MRTFA: variants seen among roughly 807,000 people sequenced by gnomAD.
The protein encoded by MRTFA is myocardin related transcription factor A, also known as myocardin-related transcription factor A.
A neutral mutation model predicts 83.5 loss-of-function variants in MRTFA; 20 were observed. The observed-to-expected ratio is 0.24, with a 90% CI of 0.17 to 0.35. The LOEUF is 0.35. MRTFA is among the 10% of genes least tolerant of loss of function. The pLI, the probability that MRTFA is intolerant of heterozygous loss-of-function variation, is 1.00. For missense variants in MRTFA, 1,200 were observed against 1,224.7 expected (o/e 0.98, Z 0.30); for synonymous variants, 659 against 541.2 (o/e 1.22, Z -3.02).
At chr22:40,508,847 CAAA>C (rs67844311) in intron 3 of MRTFA, among the ~76,000 whole-genome samples, 14 of 111,028 alleles carry the variant, frequency 1.3e-4, no homozygotes, top group Middle Eastern at 4.8e-3. Context: ...CTGCCTCTAC[CAAA>C]AAAAAAAAAA....
chr22:40,443,075 A>G (rs993408889), intron 4 of MRTFA, among the ~76,000 whole-genome samples: 5 of 152,172 alleles, frequency 3.3e-5, no homozygotes, highest in African/African-American at 4.8e-5. Context: ...AACATGGCAA[A>G]ACCCCGTCTC....
chr22:40,512,199 C>A (rs114680345), intron 3 of MRTFA, among the ~76,000 whole-genome samples: 1 of 152,148 alleles, frequency 6.6e-6, no homozygotes, highest in Non-Finnish European at 1.5e-5. Context: ...AGATTAAGAT[C>A]ATACAGTTCT....
At chr22:40,555,782 G>A (rs1443547045) in intron 2 of MRTFA, among the ~76,000 whole-genome samples, 1 of 151,402 alleles carries the variant, frequency 6.6e-6, no homozygotes, top group Non-Finnish European at 1.5e-5. Flanking sequence ...GACTACAGGC[G>A]CCCACCACCA....
chr22:40,599,230 G>A lies in MRTFA; in HGVS notation c.-83-4495C>T, dbSNP rs139227443. On this transcript the variant is annotated intron_variant, in intron 1 of 14. Transcript: ENST00000355630. ...GGAGAATCGCTTGAACCCAGGAGGCGGAGGTTGCAGTGAGCCGAGATCGGG... is the reference window on the plus strand; with the variant it reads ...GGAGAATCGCTTGAACCCAGGAGGCAGAGGTTGCAGTGAGCCGAGATCGGG... 3.2e-3 allele frequency among the ~76,000 whole-genome samples: 483 copies of A among 151,780 alleles called. 2 individuals carry two copies. The highest frequency in any genetic ancestry group is 4.9e-3 in the Non-Finnish European group (336 of 67,922).
intron 4 of MRTFA, among the ~76,000 whole-genome samples, chr22:40,454,721 A>C (rs2053552771): frequency 6.6e-6 from 1 of 152,178 alleles, no homozygotes; most frequent in Admixed American, 6.5e-5. Context: ...GAGTTGCCCA[A>C]AGTCTTCTAA....
At chr22:40,482,320 A>T (rs898064673) in intron 3 of MRTFA, among the ~76,000 whole-genome samples, 2 of 152,122 alleles carry the variant, frequency 1.3e-5, no homozygotes, top group Non-Finnish European at 1.5e-5. Context: ...TAATAACTAT[A>T]AATAAATATT....
At chr22:40,480,379 C>T (rs555305652) in intron 3 of MRTFA, among the ~76,000 whole-genome samples, 14 of 151,966 alleles carry the variant, frequency 9.2e-5, no homozygotes, top group Non-Finnish European at 1.9e-4. Flanking sequence ...CTCCCAAATT[C>T]CTGGGATTAC....
intron 2 of MRTFA, chr22:40,586,797 C>T: frequency 5.5e-6 from 2 of 361,542 alleles, no homozygotes; most frequent in Non-Finnish European, 1.1e-5. Flanking sequence ...AGAGGTTTCT[C>T]CTGCTTAAAA....
chr22:40,565,038 G>A (rs1050556226), intron 2 of MRTFA, among the ~76,000 whole-genome samples: 7 of 152,174 alleles, frequency 4.6e-5, no homozygotes, highest in South Asian at 2.1e-4. Flanking sequence ...GTATAGGGAC[G>A]TGAACTCACC....
At chr22:40,462,606 G>C (rs1455751132) in intron 4 of MRTFA, among the ~76,000 whole-genome samples, 1 of 152,152 alleles carries the variant, frequency 6.6e-6, no homozygotes, top group Non-Finnish European at 1.5e-5. Flanking sequence ...TGGTATTAAA[G>C]GCAAATTTCC....
intron 14 of MRTFA, chr22:40,412,199 C>T (rs1358547464): frequency 4.1e-6 from 1 of 246,894 alleles, no homozygotes; most frequent in Non-Finnish European, 7.7e-6. Flanking sequence ...GACATTTTTC[C>T]AAAGATGATA....
chr22:40,461,878 T>A (rs1262896319), intron 4 of MRTFA, among the ~76,000 whole-genome samples: 2 of 152,144 alleles, frequency 1.3e-5, no homozygotes, highest in Non-Finnish European at 2.9e-5. Context: ...CCTGCCCACC[T>A]TACCCATCTT....
At chr22:40,603,798 G>A (rs1412349501) in intron 1 of MRTFA, among the ~76,000 whole-genome samples, 3 of 146,036 alleles carry the variant, frequency 2.1e-5, no homozygotes, top group Admixed American at 7.0e-5. Flanking sequence ...AATTTATAGA[G>A]ATGAGGTCTC....
chr22:40,421,201 T>TC (rs1021599959), intron 9 of MRTFA, 101 bp from the exon 10 acceptor site: 15 of 1,345,924 alleles, frequency 1.1e-5, no homozygotes, highest in Non-Finnish European at 1.4e-5. Context: ...TGAGAAGACA[T>TC]CCCCATCCAC....
intron 3 of MRTFA, among the ~76,000 whole-genome samples, chr22:40,471,162 A>C (rs1469094054): frequency 6.9e-6 from 1 of 144,662 alleles, no homozygotes; most frequent in Non-Finnish European, 1.5e-5. Flanking sequence ...AGGGTGGACC[A>C]CCTGAGGTCA....
At chr22:40,415,762 C>T (rs2052665417) in intron 14 of MRTFA, among the ~76,000 whole-genome samples, 1 of 152,064 alleles carries the variant, frequency 6.6e-6, no homozygotes, top group Non-Finnish European at 1.5e-5. Context: ...TCTCTACGGC[C>T]ACCCCCACCC....
At chr22:40,458,277 A>C (rs1413620511) in intron 4 of MRTFA, among the ~76,000 whole-genome samples, 1 of 152,218 alleles carries the variant, frequency 6.6e-6, no homozygotes, top group African/African-American at 2.4e-5. Flanking sequence ...TTTGAAACTT[A>C]TGTTTACATG....
Position 40,504,977 on chromosome 22 carries a change from C to A in MRTFA, c.242-41691G>T, listed in dbSNP as rs750225496. Among the ~76,000 whole-genome samples, 42 of 152,202 alleles carry A rather than the reference C, an allele frequency of 2.8e-4. 1 individual carries two copies. Among genetic ancestry groups the A allele is most frequent in the Non-Finnish European group, 5.6e-4 (38 of 68,028 alleles). On this transcript the variant is annotated intron_variant, in intron 3 of 14. Transcript: ENST00000355630. ...TTATTTTGTAGCATAATGACTATAT[C>A]TATCCCCAACCGAATGCTAAGCTCT...
intron 4 of MRTFA, among the ~76,000 whole-genome samples, chr22:40,440,389 CCCTTGTCTAAACCTTCTG>C (rs1204018145): frequency 1.3e-5 from 2 of 152,180 alleles, no homozygotes; most frequent in Non-Finnish European, 2.9e-5. Context: ...TTCCTTTCTT[CCCTTGTCTAAACCTTCTG>C]ACAAATGTGT....
Sources: allele counts gnomAD v4.1 joint callset (sites outside exome capture counted in the v4.1 genomes callset), GRCh38; gene constraint gnomAD v4.1.1; transcripts MANE v1.5; gene names NCBI Gene and HGNC (gene_info 2026-07-23, HGNC 2026-07-21).